Variants in LRRC4C observed in about 807,000 individuals in gnomAD.
LRRC4C encodes the protein leucine-rich repeat-containing protein 4C.
LRRC4C carries 5 observed loss-of-function variants against 33.6 expected under a neutral mutation model. The observed-to-expected ratio is 0.15, with a 90% confidence interval of 0.08 to 0.31. The LOEUF (loss-of-function observed/expected upper bound fraction) is 0.31, where lower values mean the gene tolerates loss of function less well. Among genes scored for constraint, LRRC4C ranks in the 10% least tolerant of loss-of-function variants. LRRC4C has a pLI of 1.00. For synonymous variants in LRRC4C, 329 were observed against 302.0 expected, an observed-to-expected ratio of 1.09 and a Z score of -0.93; for missense variants, 560 against 796.7, an observed-to-expected ratio of 0.70 and a Z score of 3.58.
chr11:40,262,654 A>T (rs1381037360), intron 4 of LRRC4C, among the ~76,000 whole-genome samples: 2 of 152,200 alleles, frequency 1.3e-5, no homozygotes, highest in Non-Finnish European at 2.9e-5. Flanking sequence ...ATGCAGCCAT[A>T]AAAAGGATGA....
chr11:40,646,553 G>A (rs1470532277), intron 3 of LRRC4C, among the ~76,000 whole-genome samples: 1 of 152,068 alleles, frequency 6.6e-6, no homozygotes, highest in East Asian at 1.9e-4. Flanking sequence ...CAAGTTTGAC[G>A]GCAAGGAAAA....
At chr11:41,247,146 T>C (rs1210752579) in intron 1 of LRRC4C, among the ~76,000 whole-genome samples, 2 of 152,218 alleles carry the variant, frequency 1.3e-5, no homozygotes, top group South Asian at 2.1e-4. Flanking sequence ...ATCTGTGTTA[T>C]AAGTGTTTTC....
intron 1 of LRRC4C, among the ~76,000 whole-genome samples, chr11:41,047,743 C>T (rs1857880068): frequency 6.6e-6 from 1 of 152,090 alleles, no homozygotes; most frequent in Non-Finnish European, 1.5e-5. Context: ...TAAATTCAAT[C>T]CTCATCTGTT....
chr11:40,502,824 T>G (rs1954844366), intron 3 of LRRC4C, among the ~76,000 whole-genome samples: 1 of 152,206 alleles, frequency 6.6e-6, no homozygotes, highest in African/African-American at 2.4e-5. Context: ...TCATCAAAGT[T>G]ATAGGTAAAC....
intron 1 of LRRC4C, among the ~76,000 whole-genome samples, chr11:41,194,515 T>G (rs1484755007): frequency 1.3e-5 from 2 of 152,124 alleles, no homozygotes; most frequent in African/African-American, 4.8e-5. Context: ...AATGACCATT[T>G]TGCCAGGAGA....
intron 2 of LRRC4C, among the ~76,000 whole-genome samples, chr11:40,700,930 G>A (rs999788003): frequency 6.6e-6 from 1 of 151,946 alleles, no homozygotes; most frequent in Non-Finnish European, 1.5e-5. Context: ...TATTGACTTC[G>A]CTCTTTCCAA....
intron 3 of LRRC4C, among the ~76,000 whole-genome samples, chr11:40,357,772 G>A (rs886983283): frequency 1.3e-5 from 2 of 151,990 alleles, no homozygotes; most frequent in African/African-American, 2.4e-5. Flanking sequence ...AGCCTACAAC[G>A]TATCCCTTTC....
At chr11:41,009,120 T>G (rs1005282894) in intron 1 of LRRC4C, among the ~76,000 whole-genome samples, 1 of 152,054 alleles carries the variant, frequency 6.6e-6, no homozygotes, top group African/African-American at 2.4e-5. Flanking sequence ...CTGATTTAGA[T>G]AGATATTTGG....
intron 3 of LRRC4C, among the ~76,000 whole-genome samples, chr11:40,382,569 C>A (rs1328360356): frequency 6.6e-6 from 1 of 151,614 alleles, no homozygotes; most frequent in Non-Finnish European, 1.5e-5. Context: ...CTAAGATCTA[C>A]TCTCTAAGCA....
At chr11:40,298,909 C>T (rs1944641698) in intron 4 of LRRC4C, among the ~76,000 whole-genome samples, 1 of 152,068 alleles carries the variant, frequency 6.6e-6, no homozygotes, top group South Asian at 2.1e-4. Flanking sequence ...GGGAAATGCT[C>T]CCATGATGCA....
chr11:40,225,870 C>T (rs572733858), intron 5 of LRRC4C, among the ~76,000 whole-genome samples: 48 of 152,246 alleles, frequency 3.2e-4, no homozygotes, highest in African/African-American at 1.0e-3. Context: ...CCGCCCGCCT[C>T]GGCCTCCCAA....
chr11:40,393,701 A>G (rs2137473451), intron 3 of LRRC4C, among the ~76,000 whole-genome samples: 1 of 152,290 alleles, frequency 6.6e-6, no homozygotes, highest in South Asian at 2.1e-4. Flanking sequence ...ACTGTTGACT[A>G]ATACGACAGC....
intron 4 of LRRC4C, among the ~76,000 whole-genome samples, chr11:40,260,411 G>C (rs1235836931): frequency 6.8e-6 from 1 of 146,380 alleles, no homozygotes; most frequent in Non-Finnish European, 1.5e-5. Flanking sequence ...TTGTGGGTTA[G>C]GGGGAGGGGG....
chr11:41,440,351 AATGAT>A (rs1955575861), intron 1 of LRRC4C, among the ~76,000 whole-genome samples: 1 of 152,146 alleles, frequency 6.6e-6, no homozygotes, highest in Non-Finnish European at 1.5e-5. Context: ...GGCATAATCT[AATGAT>A]GATGGTGAAT....
Position 40,439,674 on chromosome 11 carries a change from GA to G in LRRC4C, c.-269-119954del, listed in dbSNP as rs1951303603. The stretch of plus-strand genomic sequence containing the variant: ...TCACCACCTTGGCCAGGCTGGTCTT[GA>G]ACTCCTGACATCATGATCCACCTGT... On this transcript the variant is annotated intron_variant, in intron 3 of 6. Transcript: ENST00000528697. Among the ~76,000 whole-genome samples, 3 of 152,014 alleles carry G rather than the reference GA, an allele frequency of 2.0e-5. No homozygotes were observed. The South Asian group carries it at 6.2e-4, about 32-fold the overall frequency.
chr11:40,766,586 A>C (rs986916559), intron 2 of LRRC4C, among the ~76,000 whole-genome samples: 1 of 151,968 alleles, frequency 6.6e-6, no homozygotes, highest in African/African-American at 2.4e-5. Flanking sequence ...TATACATAGA[A>C]ACAATAAAAA....
chr11:40,385,322 T>C (rs192229004), intron 3 of LRRC4C, among the ~76,000 whole-genome samples: 12 of 152,346 alleles, frequency 7.9e-5, no homozygotes, highest in Admixed American at 5.9e-4. Context: ...CTGATTAAAA[T>C]AGAGAAAACT....
At chr11:40,644,367 A>G (rs1415362662) in intron 3 of LRRC4C, among the ~76,000 whole-genome samples, 1 of 152,230 alleles carries the variant, frequency 6.6e-6, no homozygotes, top group Non-Finnish European at 1.5e-5. Flanking sequence ...TCAGCAGTTA[A>G]TTTTAAAAAC....
At chr11:40,432,518 G>A (rs569757748) in intron 3 of LRRC4C, among the ~76,000 whole-genome samples, 4 of 152,312 alleles carry the variant, frequency 2.6e-5, no homozygotes, top group East Asian at 1.9e-4. Flanking sequence ...GTTTCTGTCC[G>A]AAAACTACTT....
Sources: gnomAD v4.1 joint callset for allele counts (sites outside exome capture counted in the v4.1 genomes callset) on GRCh38, gnomAD v4.1.1 for gene constraint, MANE v1.5 for transcripts, NCBI Gene and HGNC (gene_info 2026-07-23, HGNC 2026-07-21) for gene names.